NECAB1: variants seen among roughly 807,000 people sequenced by gnomAD.
The protein encoded by NECAB1 is N-terminal EF-hand calcium binding protein 1, also known as N-terminal EF-hand calcium-binding protein 1.
A neutral mutation model predicts 57.5 loss-of-function variants in NECAB1; 29 were observed. The observed-to-expected ratio is 0.50, with a 90% CI of 0.38 to 0.69. NECAB1 has a LOEUF of 0.69. Among genes scored for constraint, NECAB1 ranks in the 30% least tolerant of loss-of-function variants. NECAB1 has a pLI of 0.00. For synonymous variants in NECAB1, 142 were observed against 147.7 expected, an observed-to-expected ratio of 0.96 and a Z score of 0.28; for missense variants, 372 against 413.8, an observed-to-expected ratio of 0.90 and a Z score of 0.88.
At chr8:90,866,157 C>T (rs1371508546) in intron 3 of NECAB1, among the ~76,000 whole-genome samples, 1 of 152,170 alleles carries the variant, frequency 6.6e-6, no homozygotes, top group Non-Finnish European at 1.5e-5. Flanking sequence ...ACCAGCTCAA[C>T]ACATTTGCCC....
chr8:90,920,636 C>T (rs1810086036), intron 6 of NECAB1, among the ~76,000 whole-genome samples: 1 of 152,144 alleles, frequency 6.6e-6, no homozygotes, highest in Non-Finnish European at 1.5e-5. Context: ...GCTCACTTCT[C>T]CTCGTCTGTC....
At chr8:90,860,236 T>C (rs995014525) in intron 3 of NECAB1, among the ~76,000 whole-genome samples, 1 of 117,528 alleles carries the variant, frequency 8.5e-6, no homozygotes, top group Non-Finnish European at 1.6e-5. Context: ...TTTCTTTTTT[T>C]TCTTTTTTTT....
At chr8:90,942,167 T>G (rs1206243705) in intron 10 of NECAB1, among the ~76,000 whole-genome samples, 2 of 152,236 alleles carry the variant, frequency 1.3e-5, no homozygotes, top group Non-Finnish European at 2.9e-5. Flanking sequence ...AGAAAGACCC[T>G]CACTGGCTCT....
In NECAB1 at chr8:90,957,101, T is replaced by C. The variant is rs546092845; in HGVS notation, c.*1589T>C. ...CAACATTAATGGAGATGCACAATGA[T>C]TATTCAAACAAGCTATATATATGTA... On this transcript the variant is annotated 3_prime_UTR_variant, in exon 13 of 13. Transcript: ENST00000417640. 1.3e-5 allele frequency: 2 copies of C among 151,908 alleles called. No individual in the cohort carries two copies. Among genetic ancestry groups the C allele is most frequent in the Non-Finnish European group, 2.9e-5 (2 of 67,882 alleles). The allele number at this position is 151,908 out of a possible 1,614,324, so 9.4% of individuals were successfully genotyped here. A position where few individuals can be genotyped will look rare whatever the true frequency, so the allele number is the denominator to read the frequency against.
At position 90,839,484 on chromosome 8, in the gene NECAB1, C is replaced by T. The variant is rs188493751; in HGVS notation, c.233+14659C>T. Among the ~76,000 whole-genome samples the T allele has an allele frequency of 1.3e-3, 205 of 152,274 alleles. 1 individual carries two copies. Among genetic ancestry groups the T allele is most frequent in the African/African-American group, 4.8e-3 (201 of 41,548 alleles). ...TTTATAGTTTAGCAGAGAAAGTAGA[C>T]AAGCAATAACTTGATTAATTATGAC... On this transcript the variant is annotated intron_variant, in intron 3 of 12. Coordinates refer to ENST00000417640, the MANE Select transcript of NECAB1 (RefSeq NM_022351.5).
At chr8:90,889,498 A>T (rs750277107) in intron 5 of NECAB1, among the ~76,000 whole-genome samples, 1 of 152,228 alleles carries the variant, frequency 6.6e-6, no homozygotes, top group Admixed American at 6.5e-5. Flanking sequence ...TGTAATCGTT[A>T]TCTACTGTGG....
chr8:90,956,943 CGTGTGT>C lies in NECAB1; in HGVS notation c.*1468_*1473del, dbSNP rs66645266. On this transcript the variant is annotated 3_prime_UTR_variant, in exon 13 of 13. Coordinates refer to ENST00000417640, the MANE Select transcript of NECAB1 (RefSeq NM_022351.5). The stretch of plus-strand genomic sequence containing the variant: ...AATTTTGATATATTGTACATACACA[CGTGTGT>C]GTGTGTGTGTGTGTGTGTGTGTGTG... 7,892 of 143,362 alleles carry C rather than the reference CGTGTGT, an allele frequency of 0.055. 254 individuals are homozygous for C. Among genetic ancestry groups the C allele is most frequent in the African/African-American group, 0.1 (4,049 of 38,876 alleles). The allele number at this position is 143,362 out of a possible 1,614,324, so 8.9% of individuals were successfully genotyped here. A position where few individuals can be genotyped will look rare whatever the true frequency, so the allele number is the denominator to read the frequency against.
chr8:90,895,814 T>G (rs974886581), intron 5 of NECAB1, among the ~76,000 whole-genome samples: 44 of 152,204 alleles, frequency 2.9e-4, no homozygotes, highest in African/African-American at 1.0e-3. Flanking sequence ...AGAGAAGTAT[T>G]CTGTACAATA....
chr8:90,911,389 G>C (rs1199672156), intron 5 of NECAB1, among the ~76,000 whole-genome samples: 1 of 152,086 alleles, frequency 6.6e-6, no homozygotes, highest in Non-Finnish European at 1.5e-5. Flanking sequence ...AAGAAGTACT[G>C]TTTATAAATT....
At chr8:90,928,131 C>T in intron 7 of NECAB1, 92 bp from the exon 8 acceptor site, 1 of 959,210 alleles carries the variant, frequency 1.0e-6, no homozygotes, top group Non-Finnish European at 1.6e-6. Flanking sequence ...TGCATCTTTC[C>T]TTCAGGGTTG....
At chr8:90,850,888 C>A (rs1325194876) in intron 3 of NECAB1, among the ~76,000 whole-genome samples, 1 of 152,098 alleles carries the variant, frequency 6.6e-6, no homozygotes, top group Non-Finnish European at 1.5e-5. Flanking sequence ...TCAACCATAC[C>A]TGAGTTTATG....
chr8:90,805,697 CA>C (rs1811836140), intron 2 of NECAB1, among the ~76,000 whole-genome samples: 1 of 151,280 alleles, frequency 6.6e-6, no homozygotes, highest in Non-Finnish European at 1.5e-5. Flanking sequence ...GGTATTTATA[CA>C]ATTTGCAAAA....
At chr8:90,903,369 C>T (rs1563526577) in intron 5 of NECAB1, among the ~76,000 whole-genome samples, 1 of 151,598 alleles carries the variant, frequency 6.6e-6, no homozygotes, top group Non-Finnish European at 1.5e-5. Context: ...AATTTTCATA[C>T]AGCTTTATCT....
At chr8:90,877,207 C>T (rs926883415) in intron 4 of NECAB1, among the ~76,000 whole-genome samples, 2 of 152,154 alleles carry the variant, frequency 1.3e-5, no homozygotes, top group Non-Finnish European at 2.9e-5. Flanking sequence ...TGGACTCCAC[C>T]GCTCATTCCA....
chr8:90,795,045 C>G (rs1426623146), intron 1 of NECAB1, among the ~76,000 whole-genome samples: 1 of 152,242 alleles, frequency 6.6e-6, no homozygotes, highest in Non-Finnish European at 1.5e-5. Flanking sequence ...AGGGACTCAA[C>G]TGGGTCCTGG....
In NECAB1 at chr8:90,844,804, C is replaced by T. The variant is rs1175062482; in HGVS notation, c.233+19979C>T. The stretch of plus-strand genomic sequence containing the variant: ...TGAGCTACGTTCTTCTAAATCTTTT[C>T]TCTTACACCTGGGTCTAGACTTTTT... On this transcript the variant is annotated intron_variant, in intron 3 of 12. Transcript: ENST00000417640. 5.3e-5 allele frequency among the ~76,000 whole-genome samples: 8 copies of T among 152,156 alleles called. No individual in the cohort carries two copies. The East Asian group carries it at 1.5e-3, about 29-fold the overall frequency.
intron 5 of NECAB1, among the ~76,000 whole-genome samples, chr8:90,909,964 G>A (rs1809788619): frequency 6.6e-6 from 1 of 151,690 alleles, no homozygotes; most frequent in Admixed American, 6.6e-5. Context: ...TTCAACATTT[G>A]TCACTTCCTC....
rs1810651477 is a variant in NECAB1, at chr8:90,940,824, A to G, written c.786A>G (p.Glu262=). 17 of 1,564,370 alleles carry G rather than the reference A, an allele frequency of 1.1e-5. No homozygotes were observed. Among genetic ancestry groups the G allele is most frequent in the African/African-American group, 1.4e-5 (1 of 73,744 alleles). ...TGCAGCGGCAGATGTCTGTGATAGA[A>G]GAGGACCTGGAAGAATTCCAGCTCG... The part of the protein sequence containing the change: ...MLVQRQMSVI[E]EDLEEFQLAL... Residue 262 remains glutamate, a synonymous_variant, in exon 10 of 13, where the codon GAA becomes GAG. Coordinates refer to ENST00000417640, the MANE Select transcript of NECAB1 (RefSeq NM_022351.5).
intron 4 of NECAB1, among the ~76,000 whole-genome samples, chr8:90,875,487 CAAAAAAAAAAAA>C (rs35777818): frequency 4.8e-5 from 2 of 41,490 alleles, no homozygotes; most frequent in African/African-American, 2.8e-4. Context: ...GACTCCGTCT[CAAAAAAAAAAAA>C]AAAAAAAAAA....
Sources: gnomAD v4.1 joint callset for allele counts (sites outside exome capture counted in the v4.1 genomes callset) on GRCh38, gnomAD v4.1.1 for gene constraint, MANE v1.5 for transcripts, NCBI Gene and HGNC (gene_info 2026-07-23, HGNC 2026-07-21) for gene names.